TJP2: variants seen among roughly 807,000 people sequenced by gnomAD.
TJP2 encodes Friedreich ataxia region gene X104 (tight junction protein ZO-2).
In TJP2, 91 loss-of-function variants were observed where a neutral mutation model predicts 133.1. That is an observed-to-expected ratio of 0.68 (90% confidence interval 0.58 to 0.81). TJP2 has a LOEUF of 0.81. Among genes scored for constraint, TJP2 ranks in the 40% least tolerant of loss-of-function variants. TJP2 has a pLI of 0.00. For synonymous variants in TJP2, 592 were observed against 583.4 expected (o/e 1.01, Z -0.21); for missense variants, 1,541 against 1,565.6 (o/e 0.98, Z 0.26).
chr9:69,161,714 T>A (rs1260144705), intron 2 of TJP2, among the ~76,000 whole-genome samples: 1 of 150,826 alleles, frequency 6.6e-6, no homozygotes, highest in African/African-American at 2.4e-5. Flanking sequence ...TAAATCATAA[T>A]CTAGAAAAAT....
At position 69,147,468 on chromosome 9, in the gene TJP2, C is replaced by T. The variant is rs1033386860; in HGVS notation, c.-130-4183C>T. 3.3e-5 allele frequency among the ~76,000 whole-genome samples: 5 copies of T among 152,238 alleles called. No individual in the cohort carries two copies. In the South Asian group the frequency reaches 6.2e-4, roughly 19 times the overall value. The stretch of plus-strand genomic sequence containing the variant: ...CATTCCTGAATTCTAGTTTAGTGTT[C>T]GAATTTTACAAGTGGGAAACTCAGC... On this transcript the variant is annotated intron_variant, in intron 1 of 5. Coordinates refer to the TJP2 transcript ENST00000423935.
At chr9:69,147,360 A>C (rs1471769709) in intron 1 of TJP2, among the ~76,000 whole-genome samples, 2 of 152,188 alleles carry the variant, frequency 1.3e-5, no homozygotes, top group African/African-American at 4.8e-5. Flanking sequence ...GCGGGAAAGG[A>C]ATATCGCAAC....
chr9:69,216,386 C>G lies in TJP2; in HGVS notation c.162C>G (p.Asn54Lys). 6.2e-7 allele frequency: 1 copy of G among 1,614,114 alleles called. No homozygotes were observed. Among genetic ancestry groups the G allele is most frequent in the Non-Finnish European group, 8.5e-7 (1 of 1,180,002 alleles). ...TTGCAGTGTCCGGAGGCAGAGACAA[C>G]CCCCACTTTGAAAATGGAGAAACGT... ...FGIAVSGGRD[N>K]PHFENGETSI... The change falls in exon 3 of 23, where the codon AAC becomes AAG. Residue 54 changes from asparagine (N) to lysine (K), a missense_variant. Coordinates refer to ENST00000377245, the MANE Select transcript of TJP2 (RefSeq NM_004817.4).
At chr9:69,191,546 C>T (rs1826203101) in intron 1 of TJP2, among the ~76,000 whole-genome samples, 1 of 152,098 alleles carries the variant, frequency 6.6e-6, no homozygotes, top group South Asian at 2.1e-4. Context: ...TTCAGAAAGG[C>T]TTTGAGCGAA....
Position 69,127,041 on chromosome 9 carries a change from G to A in TJP2, c.-131+5316G>A, listed in dbSNP as rs1822307661. 2.8e-5 allele frequency among the ~76,000 whole-genome samples: 2 copies of A among 72,586 alleles called. 1 individual carries two copies. The highest frequency in any genetic ancestry group is 6.2e-5 in the Non-Finnish European group (2 of 32,132). The allele number at this position is 72,586 out of a possible 152,430, so 47.6% of individuals were successfully genotyped here. On this transcript the variant is annotated intron_variant, in intron 1 of 5. Coordinates refer to the TJP2 transcript ENST00000423935. ...GAGCCTGGGAGTTCAAGTCCAGCCT[G>A]GGCAACATAGGGAGACCCCTGTCTC...
chr9:69,155,936 G>A (rs1045572515), intron 2 of TJP2, among the ~76,000 whole-genome samples: 3 of 152,178 alleles, frequency 2.0e-5, no homozygotes, highest in Admixed American at 6.5e-5. Flanking sequence ...AGAGAAACTC[G>A]GAGCAGAGCC....
intron 11 of TJP2, among the ~76,000 whole-genome samples, chr9:69,232,882 T>A (rs1447937471): frequency 6.6e-6 from 1 of 152,242 alleles, no homozygotes; most frequent in Non-Finnish European, 1.5e-5. Flanking sequence ...AGTTTTTGGC[T>A]ATCGAAGACT....
chr9:69,230,555 T>C (rs1320801010), intron 11 of TJP2, among the ~76,000 whole-genome samples: 1 of 152,178 alleles, frequency 6.6e-6, no homozygotes, highest in Non-Finnish European at 1.5e-5. Context: ...TTTTCTGATT[T>C]TTGCTTTTTT....
intron 5 of TJP2, among the ~76,000 whole-genome samples, chr9:69,222,883 A>G (rs1361905270): frequency 6.6e-6 from 1 of 151,962 alleles, no homozygotes; most frequent in Non-Finnish European, 1.5e-5. Context: ...AGCCTGGCCA[A>G]CATGATGAAA....
intron 1 of TJP2, among the ~76,000 whole-genome samples, chr9:69,146,946 T>G (rs1646945383): frequency 6.6e-6 from 1 of 152,220 alleles, no homozygotes; most frequent in Non-Finnish European, 1.5e-5. Flanking sequence ...AAAATAAATA[T>G]TTCTTTGGGA....
Position 69,254,908 on chromosome 9 carries a change from A to T in TJP2, c.*534A>T. ...CATAATGGACTAAAACATTTTGACT[A>T]AGTTTTTATACCAGCTTAATAGCTG... On this transcript the variant is annotated 3_prime_UTR_variant, in exon 23 of 23. Coordinates refer to ENST00000377245, the MANE Select transcript of TJP2 (RefSeq NM_004817.4). The T allele has an allele frequency of 2.7e-6, 1 of 366,656 alleles. No homozygotes were observed. Among genetic ancestry groups the T allele is most frequent in the Non-Finnish European group, 4.9e-6 (1 of 204,844 alleles). The allele number at this position is 366,656 out of a possible 1,614,324, so 22.7% of individuals were successfully genotyped here. A position where few individuals can be genotyped will look rare whatever the true frequency, so the allele number is the denominator to read the frequency against.
At chr9:69,227,916 G>A (rs199897749) in intron 8 of TJP2, 43 bp downstream of exon 8, 3 of 1,612,990 alleles carry the variant, frequency 1.9e-6, no homozygotes, top group Non-Finnish European at 2.5e-6. Context: ...CATTGTGAAT[G>A]TACACACATA....
chr9:69,190,074 C>T lies in TJP2; in HGVS notation c.60+15642C>T, dbSNP rs1826107568. On this transcript the variant is annotated intron_variant, in intron 1 of 22. Transcript: ENST00000377245. Reference sequence around the variant, plus strand: ...GCAGTGAGCCAAGATGGCGCCACTGCACTCCAGCCTGGGCAACAGAGCGAG... The same window carrying T: ...GCAGTGAGCCAAGATGGCGCCACTGTACTCCAGCCTGGGCAACAGAGCGAG... Among the ~76,000 whole-genome samples the T allele has an allele frequency of 1.3e-5, 2 of 149,398 alleles. 1 individual carries two copies. Among genetic ancestry groups the T allele is most frequent in the African/African-American group, 4.9e-5 (2 of 40,426 alleles).
intron 4 of TJP2, 93 bp downstream of exon 4, chr9:69,218,452 A>G (rs1200295909): frequency 1.1e-6 from 1 of 920,188 alleles, no homozygotes; most frequent in Non-Finnish European, 1.8e-6. Flanking sequence ...ATTTGACAGA[A>G]TTACATAACC....
chr9:69,201,762 A>G lies in TJP2; in HGVS notation c.61-10786A>G, dbSNP rs908905528. On this transcript the variant is annotated intron_variant, in intron 1 of 22. Coordinates refer to ENST00000377245, the MANE Select transcript of TJP2 (RefSeq NM_004817.4). ...AAATATGTCATATACATACAATGGA[A>G]TATTATTCAGCCTTAGAAAGGGAGG... Among the ~76,000 whole-genome samples the G allele has an allele frequency of 2.0e-5, 3 of 152,134 alleles. No homozygotes were observed. In the South Asian group the frequency reaches 6.2e-4, roughly 32 times the overall value.
chr9:69,230,117 A>G lies in TJP2; in HGVS notation c.1556A>G (p.Asp519Gly). The G allele has an allele frequency of 1.2e-6, 2 of 1,614,148 alleles. No homozygotes were observed. Among genetic ancestry groups the G allele is most frequent in the Non-Finnish European group, 1.7e-6 (2 of 1,180,030 alleles). Residue 519 changes from aspartate to glycine, a missense_variant, in exon 11 of 23, where the codon GAC (aspartate) becomes GGC (glycine). Physicochemically the swap from Asp to Gly is moderately conservative, Grantham distance 94 (BLOSUM62 -1). Coordinates refer to ENST00000377245, the MANE Select transcript of TJP2 (RefSeq NM_004817.4). Reference protein sequence around the residue: ...NTKMVRFKKGDSVGLRLAGGN... With the variant: ...NTKMVRFKKGGSVGLRLAGGN... Reference sequence around the variant, plus strand: ...AAAATGGTAAGGTTCAAGAAGGGAGACAGCGTGGGCCTCCGGTTGGCTGGT... The same window carrying G: ...AAAATGGTAAGGTTCAAGAAGGGAGGCAGCGTGGGCCTCCGGTTGGCTGGT...
chr9:69,182,541 CT>C lies in TJP2; in HGVS notation c.60+8112del, dbSNP rs1825586932. On this transcript the variant is annotated intron_variant, in intron 1 of 22. Coordinates refer to ENST00000377245, the MANE Select transcript of TJP2 (RefSeq NM_004817.4). ...TTTAAGTGCACAGTTTGGCAGATGA[CT>C]TTGGGCAGTGAAGGATCTGGAAGAG... is the stretch of plus-strand genomic sequence containing the variant. Among the ~76,000 whole-genome samples, 4 of 152,078 alleles carry C rather than the reference CT, an allele frequency of 2.6e-5. No individual in the cohort carries two copies. In the South Asian group the frequency reaches 8.3e-4, roughly 32 times the overall value.
chr9:69,234,661 A>C, intron 12 of TJP2, 114 bp downstream of exon 12: 1 of 738,310 alleles, frequency 1.4e-6, no homozygotes, highest in Non-Finnish European at 2.3e-6. Context: ...ATTGAGATGG[A>C]TCTCAACACC....
chr9:69,248,580 T>C, intron 19 of TJP2: 1 of 1,192,420 alleles, frequency 8.4e-7, no homozygotes, highest in Non-Finnish European at 1.0e-6. Flanking sequence ...GGTTTCTCTC[T>C]GTACTCTTAG....
Sources: allele counts gnomAD v4.1 joint callset (sites outside exome capture counted in the v4.1 genomes callset), GRCh38; gene constraint gnomAD v4.1.1; transcripts MANE v1.5; gene names NCBI Gene and HGNC (gene_info 2026-07-23, HGNC 2026-07-21).